The following ZNF385D variants were observed in gnomAD, a reference collection of about 807,000 sequenced individuals.
The protein encoded by ZNF385D is zinc finger protein 385D.
A neutral mutation model predicts 35.8 loss-of-function variants in ZNF385D; 15 were observed. That is an observed-to-expected ratio of 0.42 (90% CI 0.28 to 0.64). The LOEUF is 0.64. ZNF385D is among the 30% of genes least tolerant of loss of function. The pLI is 0.23. For missense variants in ZNF385D, 474 were observed against 494.6 expected, an observed-to-expected ratio of 0.96 and a Z score of 0.39; for synonymous variants, 212 against 186.8, an observed-to-expected ratio of 1.13 and a Z score of -1.10.
At chr3:21,750,737 G>T (rs561708876) in intron 1 of ZNF385D, among the ~76,000 whole-genome samples, 158 bp downstream of exon 1, 83 of 152,108 alleles carry the variant, frequency 5.5e-4, no homozygotes, top group Non-Finnish European at 1.1e-3. Context: ...TGGCACAAAG[G>T]AAGCTTTGAA....
At chr3:21,797,777 T>G (rs1379653996) in intron 3 of ZNF385D, among the ~76,000 whole-genome samples, 1 of 151,992 alleles carries the variant, frequency 6.6e-6, no homozygotes, top group Non-Finnish European at 1.5e-5. Context: ...TGATTTCAAC[T>G]ATATGACAAA....
chr3:22,092,656 T>C (rs1391243774), intron 3 of ZNF385D, among the ~76,000 whole-genome samples: 1 of 152,104 alleles, frequency 6.6e-6, no homozygotes, highest in Non-Finnish European at 1.5e-5. Flanking sequence ...GCCCCTATAA[T>C]TTGCTATTAC....
At chr3:21,910,872 A>AATTTAGTT (rs1383662566) in intron 3 of ZNF385D, among the ~76,000 whole-genome samples, 1 of 151,850 alleles carries the variant, frequency 6.6e-6, no homozygotes, top group Non-Finnish European at 1.5e-5. Context: ...TTTAAGATTA[A>AATTTAGTT]ATTTAGTTTT....
intron 3 of ZNF385D, among the ~76,000 whole-genome samples, chr3:22,041,396 G>A (rs1017174756): frequency 1.3e-5 from 2 of 152,076 alleles, no homozygotes; most frequent in Admixed American, 1.3e-4. Flanking sequence ...GAGAACTGGG[G>A]TAATACAAAG....
intron 3 of ZNF385D, among the ~76,000 whole-genome samples, chr3:21,773,217 G>A (rs1167760020): frequency 6.6e-6 from 1 of 151,802 alleles, no homozygotes; most frequent in African/African-American, 2.4e-5. Context: ...TTGTTATAAT[G>A]TATTTTAACA....
chr3:21,451,259 A>G (rs567171198), intron 4 of ZNF385D, among the ~76,000 whole-genome samples: 3 of 152,028 alleles, frequency 2.0e-5, no homozygotes, highest in African/African-American at 7.2e-5. Flanking sequence ...TCCTGTTAAG[A>G]TTTCTGAGAC....
rs144545504 is a variant in ZNF385D at position 22,041,723 on chromosome 3, T to C, written c.325+127094A>G. On this transcript the variant is annotated intron_variant, in intron 3 of 5. Transcript: ENST00000494108. ...ATTACACCTGAAATATTGTTTTAGG[T>C]GCTAGAAACTACATTATAAGAGAGA... Among the ~76,000 whole-genome samples the C allele has an allele frequency of 4.3e-3, 651 of 152,210 alleles. 5 individuals are homozygous for C. The highest frequency in any genetic ancestry group is 0.015 in the African/African-American group (622 of 41,546).
intron 2 of ZNF385D, among the ~76,000 whole-genome samples, chr3:22,288,484 G>A (rs1392906622): frequency 6.6e-6 from 1 of 151,864 alleles, no homozygotes; most frequent in Admixed American, 6.6e-5. Flanking sequence ...CTGTCTTTGA[G>A]TTCACTGATG....
At chr3:22,229,107 C>T (rs77525590) in intron 2 of ZNF385D, among the ~76,000 whole-genome samples, 2,633 of 152,268 alleles carry the variant, frequency 0.017, 53 homozygotes, top group South Asian at 0.11. Flanking sequence ...ATACCTTTAT[C>T]CTATTAGTCC....
intron 4 of ZNF385D, among the ~76,000 whole-genome samples, chr3:21,498,421 G>C: frequency 6.6e-6 from 1 of 152,060 alleles, no homozygotes; most frequent in East Asian, 1.9e-4. Context: ...AGAGTAAACA[G>C]ACAACCTACA....
At chr3:21,486,996 A>G (rs1705078035) in intron 4 of ZNF385D, among the ~76,000 whole-genome samples, 1 of 152,116 alleles carries the variant, frequency 6.6e-6, no homozygotes, top group South Asian at 2.1e-4. Context: ...ACCGAAAAAT[A>G]AATGATTTAC....
intron 2 of ZNF385D, among the ~76,000 whole-genome samples, chr3:22,311,594 A>G (rs1313511273): frequency 2.0e-5 from 3 of 152,122 alleles, no homozygotes; most frequent in African/African-American, 7.2e-5. Context: ...ATATTTCTAA[A>G]CGTAAAGATG....
At chr3:22,197,455 G>T (rs1411857764) in intron 2 of ZNF385D, among the ~76,000 whole-genome samples, 1 of 151,924 alleles carries the variant, frequency 6.6e-6, no homozygotes, top group Non-Finnish European at 1.5e-5. Context: ...TTGACCAATT[G>T]GCAGTTCGAC....
At chr3:22,150,873 A>G (rs1705182381) in intron 3 of ZNF385D, among the ~76,000 whole-genome samples, 1 of 152,108 alleles carries the variant, frequency 6.6e-6, no homozygotes, top group Non-Finnish European at 1.5e-5. Context: ...GAGATTATTT[A>G]AGGGAACATC....
intron 2 of ZNF385D, among the ~76,000 whole-genome samples, chr3:22,236,194 A>T (rs986276278): frequency 1.3e-5 from 2 of 152,208 alleles, no homozygotes; most frequent in Non-Finnish European, 2.9e-5. Context: ...TTTATGATAT[A>T]TATGTATGTA....
At chr3:21,514,316 T>C (rs1707420983) in intron 3 of ZNF385D, among the ~76,000 whole-genome samples, 1 of 152,170 alleles carries the variant, frequency 6.6e-6, no homozygotes, top group African/African-American at 2.4e-5. Context: ...TTCTACCGTA[T>C]TTCAGAATTT....
chr3:21,630,971 A>G (rs1006236389), intron 2 of ZNF385D, among the ~76,000 whole-genome samples: 1 of 152,158 alleles, frequency 6.6e-6, no homozygotes, highest in Non-Finnish European at 1.5e-5. Flanking sequence ...CAAGTCATCT[A>G]TCGAGTTTCG....
At chr3:21,558,914 G>T (rs1395418936) in intron 3 of ZNF385D, among the ~76,000 whole-genome samples, 1 of 150,446 alleles carries the variant, frequency 6.6e-6, no homozygotes, top group Non-Finnish European at 1.5e-5. Context: ...TTGCCATTAT[G>T]TAATGTCCTT....
intron 1 of ZNF385D, among the ~76,000 whole-genome samples, chr3:21,674,211 A>T (rs2066656385): frequency 6.6e-6 from 1 of 152,028 alleles, no homozygotes. Flanking sequence ...AATGTCATGG[A>T]GATTTTTGGT....
Sources: gnomAD v4.1 joint callset for allele counts (sites outside exome capture counted in the v4.1 genomes callset) on GRCh38, gnomAD v4.1.1 for gene constraint, MANE v1.5 for transcripts, NCBI Gene and HGNC (gene_info 2026-07-23, HGNC 2026-07-21) for gene names.